The following MAP4K3 variants were observed in gnomAD, a reference collection of about 807,000 sequenced individuals.
MAP4K3 encodes mitogen-activated protein kinase kinase kinase kinase 3.
A neutral mutation model predicts 143.5 loss-of-function variants in MAP4K3; 94 were observed. That is an observed-to-expected ratio of 0.65 (90% CI 0.55 to 0.78). MAP4K3 has a LOEUF of 0.78. Among genes scored for constraint, MAP4K3 ranks in the 30% least tolerant of loss-of-function variants. The pLI is 0.00. For synonymous variants in MAP4K3, 416 were observed against 347.2 expected, an observed-to-expected ratio of 1.20 and a Z score of -2.20; for missense variants, 1,077 against 1,068.1, an observed-to-expected ratio of 1.01 and a Z score of -0.12.
chr2:39,398,468 G>A (rs1231160681), intron 1 of MAP4K3, among the ~76,000 whole-genome samples: 2 of 151,880 alleles, frequency 1.3e-5, no homozygotes, highest in East Asian at 1.9e-4. Context: ...AATACAGTTA[G>A]TAATACATAA....
intron 12 of MAP4K3, among the ~76,000 whole-genome samples, chr2:39,321,515 T>G (rs1683301912): frequency 6.6e-6 from 1 of 152,178 alleles, no homozygotes; most frequent in Non-Finnish European, 1.5e-5. Flanking sequence ...TCTCCCCATG[T>G]GATAGTCTGA....
intron 1 of MAP4K3, among the ~76,000 whole-genome samples, chr2:39,421,600 G>A (rs1190200789): frequency 1.3e-5 from 2 of 152,064 alleles, no homozygotes; most frequent in Non-Finnish European, 2.9e-5. Flanking sequence ...GTTGTGAAGA[G>A]AATTAAAATG....
intron 1 of MAP4K3, among the ~76,000 whole-genome samples, chr2:39,436,453 G>C (rs556460818): frequency 3.9e-5 from 6 of 152,082 alleles, no homozygotes; most frequent in African/African-American, 1.2e-4. Flanking sequence ...ACCGAGGCCT[G>C]GTGGGCAGCA....
At chr2:39,377,361 G>A (rs917462088) in intron 2 of MAP4K3, among the ~76,000 whole-genome samples, 5 of 151,856 alleles carry the variant, frequency 3.3e-5, no homozygotes, top group African/African-American at 7.3e-5. Context: ...TGTGGTACTC[G>A]GTCTAGACAC....
rs1220455947 is a variant in MAP4K3 at position 39,344,816 on chromosome 2, A to C, written c.246-1364T>G. On this transcript the variant is annotated intron_variant, in intron 3 of 33. Transcript: ENST00000263881. ...ACAGGAAAGGGACCTGTGCAAAAGA[A>C]TGAAAACTTGAAAGAAATGCACATG... 2.6e-5 allele frequency among the ~76,000 whole-genome samples: 4 copies of C among 152,316 alleles called. No individual in the cohort carries two copies. In the East Asian group the frequency reaches 7.7e-4, roughly 29 times the overall value.
chr2:39,363,832 G>A (rs568439068), intron 2 of MAP4K3, among the ~76,000 whole-genome samples: 1 of 151,530 alleles, frequency 6.6e-6, no homozygotes, highest in African/African-American at 2.4e-5. Context: ...TCATACTGGG[G>A]ATTTTTTTTT....
intron 24 of MAP4K3, among the ~76,000 whole-genome samples, chr2:39,276,252 A>G (rs576473320): frequency 6.6e-6 from 1 of 152,296 alleles, no homozygotes; most frequent in South Asian, 2.1e-4. Context: ...AATTGAAAGC[A>G]TTACCATTCT....
At chr2:39,348,840 G>A (rs1437551395) in intron 3 of MAP4K3, among the ~76,000 whole-genome samples, 2 of 152,110 alleles carry the variant, frequency 1.3e-5, no homozygotes, top group African/African-American at 4.8e-5. Context: ...TTATGGTTCT[G>A]AAATTCTTAT....
chr2:39,383,445 T>C (rs904942741), intron 1 of MAP4K3, among the ~76,000 whole-genome samples: 1 of 151,934 alleles, frequency 6.6e-6, no homozygotes, highest in Admixed American at 6.6e-5. Flanking sequence ...CTACAACATG[T>C]GGGGATTATG....
chr2:39,399,266 T>A (rs1430943244), intron 1 of MAP4K3, among the ~76,000 whole-genome samples: 2 of 152,064 alleles, frequency 1.3e-5, no homozygotes, highest in Non-Finnish European at 2.9e-5. Flanking sequence ...GCAAGAAGAG[T>A]ACCACTTGTG....
chr2:39,254,913 A>G (rs1471835462), intron 31 of MAP4K3, among the ~76,000 whole-genome samples: 1 of 152,154 alleles, frequency 6.6e-6, no homozygotes, highest in Admixed American at 6.5e-5. Context: ...AAATACTGCA[A>G]AATACAGAAA....
chr2:39,265,172 A>C lies in MAP4K3; in HGVS notation c.2136+31T>G, dbSNP rs765310378. On this transcript the variant is annotated intron_variant, in intron 28 of 33. Coordinates refer to ENST00000263881, the MANE Select transcript of MAP4K3 (RefSeq NM_003618.4). ...AGTAAGGTTGACAAGCTTTTATAGT[A>C]AGAATAAGATAGTCTGACTTTTATG... 1.3e-5 allele frequency: 18 copies of C among 1,346,962 alleles called. No homozygotes were observed. The Admixed American group carries it at 3.4e-4, about 26-fold the overall frequency. 83.4% of individuals were successfully genotyped at this position (1,346,962 alleles called of 1,614,324 possible).
At chr2:39,297,671 C>G (rs1016542003) in intron 16 of MAP4K3, among the ~76,000 whole-genome samples, 1 of 152,208 alleles carries the variant, frequency 6.6e-6, no homozygotes, top group East Asian at 1.9e-4. Context: ...CAGGAAATCC[C>G]GTTTTTAAAA....
At chr2:39,347,687 G>A (rs1406011074) in intron 3 of MAP4K3, among the ~76,000 whole-genome samples, 1 of 151,912 alleles carries the variant, frequency 6.6e-6, no homozygotes, top group Non-Finnish European at 1.5e-5. Flanking sequence ...AGATGTTTAA[G>A]TCATCTTAAA....
intron 2 of MAP4K3, among the ~76,000 whole-genome samples, chr2:39,359,600 A>G (rs975568808): frequency 1.3e-5 from 2 of 152,270 alleles, no homozygotes; most frequent in Non-Finnish European, 2.9e-5. Flanking sequence ...GCACTGCCCT[A>G]GCAGAACCAC....
intron 26 of MAP4K3, among the ~76,000 whole-genome samples, chr2:39,268,442 T>C (rs903637801): frequency 6.6e-6 from 1 of 151,446 alleles, no homozygotes; most frequent in African/African-American, 2.4e-5. Flanking sequence ...TGTCTCAGAA[T>C]GCCAAATAGC....
intron 1 of MAP4K3, among the ~76,000 whole-genome samples, chr2:39,410,630 T>C (rs770491862): frequency 1.3e-5 from 2 of 152,172 alleles, no homozygotes; most frequent in East Asian, 1.9e-4. Flanking sequence ...TTATTTATCA[T>C]GAAAATAATA....
intron 16 of MAP4K3, chr2:39,293,844 G>A (rs1682157312): frequency 6.5e-6 from 1 of 153,210 alleles, no homozygotes; most frequent in Non-Finnish European, 1.5e-5. Context: ...TCACTTACCT[G>A]AAGGATTTGT....
chr2:39,262,645 G>GA, intron 28 of MAP4K3, among the ~76,000 whole-genome samples: 2 of 152,186 alleles, frequency 1.3e-5, no homozygotes, highest in Middle Eastern at 6.8e-3. Context: ...TTAACAGAAG[G>GA]GGATTCATGT....
Sources: gnomAD v4.1 joint callset for allele counts (sites outside exome capture counted in the v4.1 genomes callset) on GRCh38, gnomAD v4.1.1 for gene constraint, MANE v1.5 for transcripts, NCBI Gene and HGNC (gene_info 2026-07-23, HGNC 2026-07-21) for gene names.